Variants in AFF3 observed in about 807,000 individuals in gnomAD.
AFF3 encodes AF4/FMR2 family member 3.
Under a neutral mutation model 129.7 loss-of-function variants are expected in AFF3, and 32 were observed. The ratio of observed to expected loss-of-function variants is 0.25; its 90% CI spans 0.19 to 0.33. The LOEUF (loss-of-function observed/expected upper bound fraction) is 0.33, where lower values mean the gene tolerates loss of function less well. Ranked by LOEUF, AFF3 falls within the 10% of genes least tolerant of loss-of-function variation. The probability of loss-of-function intolerance (pLI) is 1.00; values close to 1 mark genes in which losing one functional copy is unlikely to be tolerated. For synonymous variants in AFF3, 644 were observed against 635.4 expected (o/e 1.01, Z -0.20); for missense variants, 1,373 against 1,592.0 (o/e 0.86, Z 2.34).
In AFF3 at chr2:99,578,327, A is replaced by G. The variant is rs1677189201; in HGVS notation, c.2918T>C (p.Met973Thr). The G allele has an allele frequency of 6.3e-7, 1 of 1,598,860 alleles. No homozygotes were observed. Among genetic ancestry groups the G allele is most frequent in the African/African-American group, 1.4e-5 (1 of 73,900 alleles). Reference protein sequence around the residue: ...CKRQKLVFDDMPRSADYFMQE... With the variant: ...CKRQKLVFDDTPRSADYFMQE... ...CACATTTAAAAGCGTCTGAACTTAC[A>G]TATCATCGAAGACAAGTTTCTGCCT... The change falls in exon 18 of 25, where the codon ATG (methionine) becomes ACG (threonine). Residue 973 changes from methionine to threonine, a missense_variant and splice_region_variant. Physicochemically the swap from Met to Thr is moderately conservative, Grantham distance 81. This residue lies in a region of AFF3 where 65 missense variants were observed against 102.1 expected (regional missense o/e 0.64). Coordinates refer to ENST00000672756, the MANE Select transcript of AFF3 (RefSeq NM_001386135.1).
chr2:100,030,964 A>G (rs1221236641), intron 4 of AFF3, among the ~76,000 whole-genome samples: 1 of 152,238 alleles, frequency 6.6e-6, no homozygotes, highest in African/African-American at 2.4e-5. Flanking sequence ...TATAAACACA[A>G]AGAGTAAACC....
chr2:99,742,608 A>G (rs1428043310), intron 10 of AFF3, among the ~76,000 whole-genome samples: 2 of 152,238 alleles, frequency 1.3e-5, no homozygotes, highest in African/African-American at 4.8e-5. Flanking sequence ...AAGTGATAGC[A>G]GCAGCTTTCT....
chr2:99,683,915 C>A (rs1481624125), intron 11 of AFF3, among the ~76,000 whole-genome samples: 2 of 152,144 alleles, frequency 1.3e-5, no homozygotes, highest in Non-Finnish European at 2.9e-5. Flanking sequence ...CATCTTTTTT[C>A]CTTGTCAGAC....
chr2:100,022,884 G>A (rs1354561583), intron 4 of AFF3, among the ~76,000 whole-genome samples: 2 of 152,238 alleles, frequency 1.3e-5, no homozygotes, highest in Non-Finnish European at 2.9e-5. Context: ...AGACAAGCTA[G>A]GGTAGGTGGG....
intron 18 of AFF3, among the ~76,000 whole-genome samples, chr2:99,575,560 C>T (rs1031640656): frequency 3.2e-4 from 49 of 152,074 alleles, no homozygotes; most frequent in African/African-American, 1.1e-3. Flanking sequence ...CGCGCCTGGC[C>T]TATTTTTGCT....
At chr2:99,554,757 A>G (rs1363289850) in intron 22 of AFF3, 25 bp from the exon 23 acceptor site, 3 of 1,613,998 alleles carry the variant, frequency 1.9e-6, no homozygotes, top group Non-Finnish European at 2.5e-6. Flanking sequence ...AAACACTGAC[A>G]GTGAGTGCCA....
At chr2:99,957,356 T>G (rs1676765373) in intron 7 of AFF3, among the ~76,000 whole-genome samples, 1 of 152,120 alleles carries the variant, frequency 6.6e-6, no homozygotes, top group Non-Finnish European at 1.5e-5. Context: ...CATGCAGAAA[T>G]CAATTAAAAT....
chr2:100,110,446 T>C (rs1411719169), intron 2 of AFF3: 1 of 152,218 alleles, frequency 6.6e-6, no homozygotes, highest in Non-Finnish European at 1.5e-5. Context: ...TGTCAGGCTC[T>C]TTTCTCTGGG....
At chr2:99,715,428 A>G (rs1047538926) in intron 11 of AFF3, among the ~76,000 whole-genome samples, 4 of 152,176 alleles carry the variant, frequency 2.6e-5, no homozygotes, top group Non-Finnish European at 1.5e-5. Flanking sequence ...AGTGCCTATT[A>G]CGAAACAGGC....
At position 99,635,125 on chromosome 2, in the gene AFF3, G is replaced by C. The variant is rs9308825; in HGVS notation, c.1184+14501C>G. ...TATATGATATATACACATATCTCTA[G>C]GTATATGATATATACACATATCTCT... On this transcript the variant is annotated intron_variant, in intron 13 of 24. Transcript: ENST00000672756. 3.0e-3 allele frequency among the ~76,000 whole-genome samples: 365 copies of C among 123,694 alleles called. 12 individuals carry two copies. In the East Asian group the frequency reaches 0.083, roughly 28 times the overall value. The allele number at this position is 123,694 out of a possible 152,430, so 81.1% of individuals were successfully genotyped here. A position where few individuals can be genotyped will look rare whatever the true frequency, so the allele number is the denominator to read the frequency against.
intron 9 of AFF3, among the ~76,000 whole-genome samples, chr2:99,751,582 G>T (rs1190280207): frequency 6.6e-6 from 1 of 152,120 alleles, no homozygotes; most frequent in African/African-American, 2.4e-5. Flanking sequence ...ATAATCTCTG[G>T]CTTGGAGTGC....
chr2:99,607,887 A>T (rs1229106901), intron 13 of AFF3, among the ~76,000 whole-genome samples: 3 of 152,266 alleles, frequency 2.0e-5, no homozygotes, highest in African/African-American at 7.2e-5. Flanking sequence ...ATATTAATTC[A>T]TCTAAAACCA....
At chr2:99,823,119 C>A (rs1219591536) in intron 8 of AFF3, among the ~76,000 whole-genome samples, 1 of 152,160 alleles carries the variant, frequency 6.6e-6, no homozygotes, top group African/African-American at 2.4e-5. Flanking sequence ...CTTTGACTCA[C>A]CAGGCTCTCA....
chr2:100,029,276 G>A (rs1457893995), intron 4 of AFF3, among the ~76,000 whole-genome samples: 2 of 152,140 alleles, frequency 1.3e-5, no homozygotes, highest in Non-Finnish European at 2.9e-5. Context: ...CTTATAAGAG[G>A]AGGAAACTGA....
chr2:100,073,248 A>C (rs972920904), intron 4 of AFF3, among the ~76,000 whole-genome samples: 11 of 152,226 alleles, frequency 7.2e-5, no homozygotes, highest in Non-Finnish European at 1.2e-4. Context: ...TGGGCACCAC[A>C]ACCCTGTGTG....
intron 8 of AFF3, among the ~76,000 whole-genome samples, chr2:99,811,414 T>C (rs1424486051): frequency 6.6e-6 from 1 of 152,010 alleles, no homozygotes; most frequent in Non-Finnish European, 1.5e-5. Flanking sequence ...GCACAGAGGT[T>C]TTTTGGTTTT....
At chr2:99,634,337 T>C (rs1325232984) in intron 13 of AFF3, among the ~76,000 whole-genome samples, 1 of 152,244 alleles carries the variant, frequency 6.6e-6, no homozygotes. Context: ...CATGAGGCTA[T>C]GGCAGAGCTA....
At chr2:99,748,355 T>C (rs555311079) in intron 9 of AFF3, among the ~76,000 whole-genome samples, 32 of 152,312 alleles carry the variant, frequency 2.1e-4, no homozygotes, top group African/African-American at 6.7e-4. Flanking sequence ...CATCTGTGCA[T>C]TGGTATTGTC....
At chr2:99,661,620 A>C (rs1686236735) in intron 12 of AFF3, among the ~76,000 whole-genome samples, 1 of 152,230 alleles carries the variant, frequency 6.6e-6, no homozygotes, top group South Asian at 2.1e-4. Flanking sequence ...TTCGATGAGA[A>C]AATATTTTAG....
Sources: gnomAD v4.1 joint callset for allele counts (sites outside exome capture counted in the v4.1 genomes callset) on GRCh38, gnomAD v4.1.1 for gene constraint, gnomAD v4.1.1 regional missense constraint, MANE v1.5 for transcripts, NCBI Gene and HGNC (gene_info 2026-07-23, HGNC 2026-07-21) for gene names.